ROBO2: variants seen among roughly 807,000 people sequenced by gnomAD.
ROBO2 encodes roundabout homolog 2.
Under a neutral mutation model 160.8 loss-of-function variants are expected in ROBO2, and 53 were observed. That is an observed-to-expected ratio of 0.33 (90% confidence interval 0.26 to 0.41). The LOEUF is 0.41. Among genes scored for constraint, ROBO2 ranks in the 10% least tolerant of loss-of-function variants. The pLI, the probability that ROBO2 is intolerant of heterozygous loss-of-function variation, is 1.00. For synonymous variants in ROBO2, 664 were observed against 611.7 expected, an observed-to-expected ratio of 1.09 and a Z score of -1.26; for missense variants, 1,577 against 1,722.4, an observed-to-expected ratio of 0.92 and a Z score of 1.49.
chr3:76,603,346 AAAAAAATATAT>A (rs1286899662), intron 2 of ROBO2, among the ~76,000 whole-genome samples: 17 of 56,946 alleles, frequency 3.0e-4, no homozygotes, highest in African/African-American at 9.9e-4. Flanking sequence ...AAAAAAAAAA[AAAAAAATATAT>A]ATATATATAT....
intron 2 of ROBO2, among the ~76,000 whole-genome samples, chr3:76,485,522 G>T (rs2079446036): frequency 1.3e-5 from 2 of 152,226 alleles, no homozygotes; most frequent in South Asian, 2.1e-4. Context: ...TGATCCAGGG[G>T]TTGGGGAACT....
At chr3:76,892,526 C>T (rs558884853) in intron 2 of ROBO2, among the ~76,000 whole-genome samples, 2 of 152,210 alleles carry the variant, frequency 1.3e-5, no homozygotes, top group South Asian at 4.1e-4. Context: ...GGAAACTTCC[C>T]CACTGCCTTC....
intron 2 of ROBO2, among the ~76,000 whole-genome samples, chr3:76,443,967 CATTATT>C (rs1004118752): frequency 1.3e-5 from 2 of 151,588 alleles, no homozygotes; most frequent in Non-Finnish European, 2.9e-5. Flanking sequence ...TAAAAAATAT[CATTATT>C]ATTATTATTA....
Position 77,232,259 on chromosome 3 carries a change from T to C in ROBO2, c.388+133919T>C, listed in dbSNP as rs58350792. ...AATTCTATGGGAAAGTATTATAAAT[T>C]AATGGAGTAGGTGGCCAGGGAGAGC... On this transcript the variant is annotated intron_variant, in intron 2 of 25. Coordinates refer to ENST00000461745, the Ensembl canonical transcript of ROBO2. Among the ~76,000 whole-genome samples, 1,262 of 152,254 alleles carry C rather than the reference T, an allele frequency of 8.3e-3. 14 individuals are homozygous for C. Among genetic ancestry groups the C allele is most frequent in the African/African-American group, 0.028 (1,161 of 41,560 alleles).
chr3:76,942,053 A>G (rs536473552), intron 2 of ROBO2, among the ~76,000 whole-genome samples: 1 of 152,316 alleles, frequency 6.6e-6, no homozygotes, highest in African/African-American at 2.4e-5. Context: ...AGATCCTGCT[A>G]CCTGTTTTAT....
At chr3:77,243,889 C>G (rs1378111690) in intron 2 of ROBO2, among the ~76,000 whole-genome samples, 1 of 152,138 alleles carries the variant, frequency 6.6e-6, no homozygotes, top group Non-Finnish European at 1.5e-5. Flanking sequence ...CTGGCATTCT[C>G]AAAACCTGAA....
chr3:76,692,039 T>C (rs1046094531), intron 2 of ROBO2, among the ~76,000 whole-genome samples: 1 of 151,804 alleles, frequency 6.6e-6, no homozygotes, highest in Non-Finnish European at 1.5e-5. Context: ...GAGAAATAAT[T>C]TGAAGGTTGG....
chr3:76,512,864 A>C (rs1017344640), intron 2 of ROBO2, among the ~76,000 whole-genome samples: 1 of 152,166 alleles, frequency 6.6e-6, no homozygotes, highest in African/African-American at 2.4e-5. Flanking sequence ...TTTGGTCCCA[A>C]GTATTCTGGA....
chr3:76,840,939 G>A (rs2068196915), intron 2 of ROBO2, among the ~76,000 whole-genome samples: 1 of 151,962 alleles, frequency 6.6e-6, no homozygotes, highest in Admixed American at 6.6e-5. Context: ...GGTCTTTGAG[G>A]GGAACATCTG....
At chr3:77,397,956 T>C (rs1268971495) in intron 2 of ROBO2, among the ~76,000 whole-genome samples, 2 of 152,178 alleles carry the variant, frequency 1.3e-5, no homozygotes, top group Non-Finnish European at 2.9e-5. Context: ...AGATAATTTT[T>C]AAACCACTAT....
In ROBO2 at chr3:76,042,567, ATTG is replaced by A. The variant is rs1313059269; in HGVS notation, c.109+104968_109+104970del. Among the ~76,000 whole-genome samples, 12 of 151,982 alleles carry A rather than the reference ATTG, an allele frequency of 7.9e-5. 1 individual carries two copies. The highest frequency in any genetic ancestry group is 2.9e-4 in the African/African-American group (12 of 41,272). On this transcript the variant is annotated intron_variant, in intron 2 of 26. Coordinates refer to the ROBO2 transcript ENST00000487694. ...CTTGAGGGAAGAGAGACCCTCTCAT[ATTG>A]TTTTATATTGTTTTATACTCAGTAC...
At chr3:76,109,386 A>G (rs1296396372) in intron 2 of ROBO2, among the ~76,000 whole-genome samples, 1 of 152,084 alleles carries the variant, frequency 6.6e-6, no homozygotes, top group Non-Finnish European at 1.5e-5. Context: ...TTAGAAGGGT[A>G]GAGAAACGCA....
At chr3:76,350,726 A>T (rs911105140) in intron 2 of ROBO2, among the ~76,000 whole-genome samples, 8 of 152,020 alleles carry the variant, frequency 5.3e-5, no homozygotes, top group African/African-American at 1.9e-4. Context: ...AAATTTTTAA[A>T]AGACTTACTG....
intron 2 of ROBO2, among the ~76,000 whole-genome samples, chr3:75,949,780 A>G (rs377434011): frequency 8.0e-6 from 1 of 125,434 alleles, no homozygotes. Flanking sequence ...AGATTGCTCT[A>G]CATTCCACAG....
At chr3:76,463,309 C>T (rs1270077317) in intron 2 of ROBO2, among the ~76,000 whole-genome samples, 2 of 151,626 alleles carry the variant, frequency 1.3e-5, no homozygotes, top group Non-Finnish European at 2.9e-5. Flanking sequence ...AAAGAGAGGT[C>T]GATTTCAACC....
At chr3:77,005,281 GT>G (rs1287646100) in intron 2 of ROBO2, among the ~76,000 whole-genome samples, 1 of 152,152 alleles carries the variant, frequency 6.6e-6, no homozygotes, top group African/African-American at 2.4e-5. Flanking sequence ...TACCTTGGGA[GT>G]TTTTTACCCA....
intron 2 of ROBO2, among the ~76,000 whole-genome samples, chr3:76,018,078 A>G (rs2066455972): frequency 1.3e-5 from 2 of 152,054 alleles, no homozygotes; most frequent in African/African-American, 2.4e-5. Flanking sequence ...ATTCAGGGGT[A>G]TGCTTTGAAA....
chr3:76,949,489 A>C (rs1205725504), intron 2 of ROBO2, among the ~76,000 whole-genome samples: 2 of 152,108 alleles, frequency 1.3e-5, no homozygotes, highest in Non-Finnish European at 2.9e-5. Flanking sequence ...TTTTAAAAAT[A>C]TGCAGAATTC....
At position 76,469,970 on chromosome 3, in the gene ROBO2, A is replaced by G. The variant is rs373268555; in HGVS notation, c.109+532368A>G. 1.7e-4 allele frequency among the ~76,000 whole-genome samples: 26 copies of G among 152,322 alleles called. No homozygotes were observed. In the South Asian group the frequency reaches 2.1e-3, roughly 12 times the overall value. Reference sequence around the variant, plus strand: ...AGAAAGAAAAAGGAAGAAGTAAAATATACTATTCTGCAAGCCAGCTTGGAC... The same window carrying G: ...AGAAAGAAAAAGGAAGAAGTAAAATGTACTATTCTGCAAGCCAGCTTGGAC... On this transcript the variant is annotated intron_variant, in intron 2 of 26. Transcript: ENST00000487694.
Sources: gnomAD v4.1 joint callset for allele counts (sites outside exome capture counted in the v4.1 genomes callset) on GRCh38, gnomAD v4.1.1 for gene constraint, MANE v1.5 for transcripts, NCBI Gene and HGNC (gene_info 2026-07-23, HGNC 2026-07-21) for gene names.